DOCK3: variants seen among roughly 807,000 people sequenced by gnomAD.
DOCK3 encodes the protein dedicator of cytokinesis 3.
A neutral mutation model predicts 265.6 loss-of-function variants in DOCK3; 60 were observed. That is an observed-to-expected ratio of 0.23 (90% confidence interval 0.18 to 0.28). The LOEUF (loss-of-function observed/expected upper bound fraction) is 0.28. Among genes scored for constraint, DOCK3 ranks in the 10% least tolerant of loss-of-function variants. DOCK3 has a pLI of 1.00. For synonymous variants in DOCK3, 881 were observed against 938.0 expected (o/e 0.94, Z 1.11); for missense variants, 1,981 against 2,594.3 (o/e 0.76, Z 5.14).
At chr3:50,981,271 G>C (rs925442413) in intron 5 of DOCK3, among the ~76,000 whole-genome samples, 1 of 152,134 alleles carries the variant, frequency 6.6e-6, no homozygotes, top group African/African-American at 2.4e-5. Flanking sequence ...TCTTGTTATT[G>C]ATTTCTAGTT....
chr3:51,104,846 T>C (rs1161814838), intron 9 of DOCK3, among the ~76,000 whole-genome samples: 1 of 152,100 alleles, frequency 6.6e-6, no homozygotes, highest in East Asian at 1.9e-4. Flanking sequence ...TGGAGTGAAG[T>C]GGTAGAATCA....
chr3:50,889,496 A>G (rs955296659), intron 3 of DOCK3, among the ~76,000 whole-genome samples: 1 of 150,802 alleles, frequency 6.6e-6, no homozygotes, highest in Non-Finnish European at 1.5e-5. Flanking sequence ...CTTATTCTTT[A>G]GGAATTGAAA....
chr3:50,966,788 G>A (rs1559872787), intron 5 of DOCK3, among the ~76,000 whole-genome samples: 1 of 152,028 alleles, frequency 6.6e-6, no homozygotes, highest in East Asian at 1.9e-4. Flanking sequence ...TAAACTCCTG[G>A]GAGTAGGGGA....
At chr3:50,932,006 A>G (rs36110549) in intron 4 of DOCK3, among the ~76,000 whole-genome samples, 14,361 of 152,212 alleles carry the variant, frequency 0.094, 839 homozygotes, top group Non-Finnish European at 0.12. Flanking sequence ...ACTCTTGTCC[A>G]TAAGTTGTGG....
intron 39 of DOCK3, 66 bp from the exon 40 acceptor site, chr3:51,350,222 C>A: frequency 7.0e-7 from 1 of 1,423,400 alleles, no homozygotes; most frequent in Non-Finnish European, 9.6e-7. Context: ...TCCAGTTGGG[C>A]CTGGGAGAAC....
intron 9 of DOCK3, among the ~76,000 whole-genome samples, chr3:51,126,533 C>A (rs9839484): frequency 0.72 from 109,340 of 152,054 alleles, 40,094 homozygotes; most frequent in Middle Eastern, 0.84. Context: ...GGGCACACAC[C>A]TTCCTCAGAA....
chr3:51,181,905 T>G (rs2087318383), intron 12 of DOCK3, among the ~76,000 whole-genome samples: 1 of 152,218 alleles, frequency 6.6e-6, no homozygotes, highest in Non-Finnish European at 1.5e-5. Context: ...GCCCAACAAT[T>G]TCCATTTCTA....
intron 5 of DOCK3, among the ~76,000 whole-genome samples, chr3:51,031,732 G>A (rs1311362949): frequency 6.6e-6 from 1 of 152,102 alleles, no homozygotes; most frequent in African/African-American, 2.4e-5. Flanking sequence ...AGAAGTATTG[G>A]GGGTTAAAAG....
chr3:50,791,803 C>T (rs1044984202), intron 2 of DOCK3, among the ~76,000 whole-genome samples: 11 of 152,066 alleles, frequency 7.2e-5, no homozygotes, highest in African/African-American at 2.7e-4. Flanking sequence ...GTTTTTTGTA[C>T]TAGTACCATG....
At chr3:50,769,398 T>G (rs567184620) in intron 1 of DOCK3, among the ~76,000 whole-genome samples, 1 of 152,196 alleles carries the variant, frequency 6.6e-6, no homozygotes, top group Non-Finnish European at 1.5e-5. Context: ...CACAATAAAG[T>G]CCATATATGA....
intron 3 of DOCK3, among the ~76,000 whole-genome samples, chr3:50,847,755 A>G (rs951988361): frequency 6.6e-6 from 1 of 151,904 alleles, no homozygotes; most frequent in Non-Finnish European, 1.5e-5. Flanking sequence ...ATGGTAGTGT[A>G]TACCTGTAGT....
chr3:50,925,689 G>T (rs1474385322), intron 4 of DOCK3, among the ~76,000 whole-genome samples: 1 of 152,166 alleles, frequency 6.6e-6, no homozygotes, highest in Non-Finnish European at 1.5e-5. Context: ...ATATTGTTTT[G>T]AAAGAAAACT....
chr3:51,206,793 A>G (rs7644957), intron 12 of DOCK3, among the ~76,000 whole-genome samples: 138,760 of 152,180 alleles, frequency 0.91, 63,408 homozygotes, highest in African/African-American at 0.96. Context: ...TAAAAGGCCC[A>G]TTAGAAGATT....
chr3:50,775,181 A>G (rs2041512151), intron 1 of DOCK3, among the ~76,000 whole-genome samples: 2 of 151,972 alleles, frequency 1.3e-5, no homozygotes, highest in Non-Finnish European at 1.5e-5. Context: ...TTTGGAAGAG[A>G]TTATTTATGA....
intron 1 of DOCK3, among the ~76,000 whole-genome samples, chr3:50,707,495 C>T (rs1367259643): frequency 6.6e-6 from 1 of 151,962 alleles, no homozygotes; most frequent in African/African-American, 2.4e-5. Context: ...CAAGAATAGC[C>T]TAATACATCC....
intron 12 of DOCK3, among the ~76,000 whole-genome samples, chr3:51,202,831 G>C (rs538481502): frequency 4.6e-5 from 7 of 151,284 alleles, no homozygotes; most frequent in Admixed American, 3.9e-4. Context: ...TGATCAAGTG[G>C]GCTTCATGCT....
chr3:50,749,162 A>G (rs2039634716), intron 1 of DOCK3, among the ~76,000 whole-genome samples: 1 of 152,148 alleles, frequency 6.6e-6, no homozygotes, highest in African/African-American at 2.4e-5. Flanking sequence ...TCCTCTTTAT[A>G]GTTTTTCTAG....
intron 20 of DOCK3, among the ~76,000 whole-genome samples, chr3:51,236,941 C>T (rs538751573): frequency 9.9e-5 from 15 of 152,180 alleles, no homozygotes; most frequent in African/African-American, 3.6e-4. Flanking sequence ...TATCCAGTCC[C>T]ACAGAGAGCC....
intron 5 of DOCK3, among the ~76,000 whole-genome samples, chr3:50,946,515 C>A (rs1229438149): frequency 6.6e-6 from 1 of 152,196 alleles, no homozygotes; most frequent in African/African-American, 2.4e-5. Flanking sequence ...TTGGCAGACA[C>A]CCTAGTGGCT....
Sources: allele counts gnomAD v4.1 joint callset (sites outside exome capture counted in the v4.1 genomes callset), GRCh38; gene constraint gnomAD v4.1.1; transcripts MANE v1.5; gene names NCBI Gene and HGNC (gene_info 2026-07-23, HGNC 2026-07-21).